PLCB4: variants seen among roughly 807,000 people sequenced by gnomAD.
PLCB4 encodes the protein phospholipase C beta 4.
A neutral mutation model predicts 178.8 loss-of-function variants in PLCB4; 77 were observed. The observed-to-expected ratio is 0.43, with a 90% CI of 0.36 to 0.52. The LOEUF (loss-of-function observed/expected upper bound fraction) is 0.52, where lower values mean the gene tolerates loss of function less well. Among genes scored for constraint, PLCB4 ranks in the 20% least tolerant of loss-of-function variants. The probability of loss-of-function intolerance (pLI) is 0.00; values close to 1 mark genes in which losing one functional copy is unlikely to be tolerated. For synonymous variants in PLCB4, 496 were observed against 490.8 expected (o/e 1.01, Z -0.14); for missense variants, 1,024 against 1,453.4 (o/e 0.70, Z 4.80).
chr20:9,365,648 T>C (rs2035712863), intron 9 of PLCB4, 134 bp downstream of exon 9: 2 of 519,802 alleles, frequency 3.8e-6, no homozygotes, highest in Admixed American at 7.1e-5. Flanking sequence ...TTTCAATTGC[T>C]TTGACAAATG....
At chr20:9,301,338 T>C (rs977549798) in intron 3 of PLCB4, among the ~76,000 whole-genome samples, 2 of 151,936 alleles carry the variant, frequency 1.3e-5, no homozygotes, top group Admixed American at 6.6e-5. Flanking sequence ...CTGCCCTCTG[T>C]TCACTCTCTA....
At chr20:9,419,567 G>T (rs760704216) in intron 25 of PLCB4, among the ~76,000 whole-genome samples, 2 of 152,070 alleles carry the variant, frequency 1.3e-5, no homozygotes, top group Non-Finnish European at 2.9e-5. Flanking sequence ...AGGTGACCAG[G>T]GGATAAAAAA....
chr20:9,163,818 A>G (rs2092927448), intron 2 of PLCB4, among the ~76,000 whole-genome samples: 1 of 152,116 alleles, frequency 6.6e-6, no homozygotes, highest in Non-Finnish European at 1.5e-5. Context: ...TCCATTTCAT[A>G]TTTAAATAAA....
chr20:9,273,766 C>G lies in PLCB4; in HGVS notation c.-15-34034C>G, dbSNP rs142521165. Reference sequence around the variant, plus strand: ...GATGCTCGAGCCAGAGTATGTATGTCTTTGTTAAGCCATGTTATTACTAAA... The same window carrying G: ...GATGCTCGAGCCAGAGTATGTATGTGTTTGTTAAGCCATGTTATTACTAAA... On this transcript the variant is annotated intron_variant, in intron 3 of 39. Coordinates refer to ENST00000378473, the MANE Select transcript of PLCB4 (RefSeq NM_001377142.1). Among the ~76,000 whole-genome samples, 39 of 149,742 alleles carry G rather than the reference C, an allele frequency of 2.6e-4. No homozygotes were observed. In the East Asian group the frequency reaches 6.6e-3, roughly 25 times the overall value.
At chr20:9,253,261 G>A (rs113111513) in intron 3 of PLCB4, among the ~76,000 whole-genome samples, 4,423 of 152,232 alleles carry the variant, frequency 0.029, 226 homozygotes, top group African/African-American at 0.1. Context: ...CAAGGGATCC[G>A]ACTAGAATCA....
At chr20:9,270,691 T>C (rs139179043) in intron 3 of PLCB4, among the ~76,000 whole-genome samples, 584 of 152,244 alleles carry the variant, frequency 3.8e-3, no homozygotes, top group South Asian at 8.1e-3. Context: ...TAAGGTTATA[T>C]AGTTTAATTA....
rs398035318 is a variant in PLCB4 at position 9,118,314 on chromosome 20, A to AC, written c.-79+21973dup. Among the ~76,000 whole-genome samples, 9 of 148,240 alleles carry AC rather than the reference A, an allele frequency of 6.1e-5. No homozygotes were observed. The East Asian group carries it at 1.2e-3, about 20-fold the overall frequency. On this transcript the variant is annotated intron_variant, in intron 2 of 39. Transcript: ENST00000378473. ...CTTAAAGTATAATAATAAAAAAAAA[A>AC]CAACAAAGTGCTTATAAAATATGAG...
chr20:9,253,414 T>C (rs1287640898), intron 3 of PLCB4, among the ~76,000 whole-genome samples: 1 of 152,190 alleles, frequency 6.6e-6, no homozygotes, highest in African/African-American at 2.4e-5. Context: ...GCTCCTGCTC[T>C]GTGCTGATAC....
intron 34 of PLCB4, 35 bp from the exon 35 acceptor site, chr20:9,459,600 G>T (rs1488993404): frequency 1.9e-6 from 3 of 1,539,012 alleles, no homozygotes; most frequent in African/African-American, 1.4e-5. Flanking sequence ...GACCTATGAG[G>T]ATTACAATGG....
At chr20:9,436,204 T>C (rs116919784) in intron 29 of PLCB4, among the ~76,000 whole-genome samples, 4,449 of 152,320 alleles carry the variant, frequency 0.029, 95 homozygotes, top group Non-Finnish European at 0.039. Context: ...TATATGTAAA[T>C]GTTCCAAAAT....
At chr20:9,187,612 A>C (rs1183645086) in intron 2 of PLCB4, among the ~76,000 whole-genome samples, 3 of 152,192 alleles carry the variant, frequency 2.0e-5, no homozygotes, top group Non-Finnish European at 4.4e-5. Context: ...TTACTGGTTG[A>C]ATGGGCTCTG....
At chr20:9,206,035 C>T (rs979278530) in intron 2 of PLCB4, among the ~76,000 whole-genome samples, 8 of 152,080 alleles carry the variant, frequency 5.3e-5, no homozygotes, top group African/African-American at 1.7e-4. Context: ...ATGTAATTTG[C>T]ATTTCTGGCT....
intron 33 of PLCB4, among the ~76,000 whole-genome samples, chr20:9,455,876 C>T (rs2122352948): frequency 6.6e-6 from 1 of 152,286 alleles, no homozygotes; most frequent in East Asian, 1.9e-4. Context: ...TGCTATGTTG[C>T]CCAGGCTGAA....
intron 2 of PLCB4, among the ~76,000 whole-genome samples, chr20:9,212,113 C>A (rs749550461): frequency 6.6e-6 from 1 of 152,132 alleles, no homozygotes; most frequent in Non-Finnish European, 1.5e-5. Flanking sequence ...TTAGCCAATG[C>A]GATACAACAG....
At chr20:9,148,379 T>C (rs2092635239) in intron 2 of PLCB4, among the ~76,000 whole-genome samples, 1 of 152,072 alleles carries the variant, frequency 6.6e-6, no homozygotes, top group Non-Finnish European at 1.5e-5. Flanking sequence ...ATTTTTGAAA[T>C]AGGAAGAATA....
intron 2 of PLCB4, among the ~76,000 whole-genome samples, chr20:9,196,670 A>T (rs1269164275): frequency 6.6e-6 from 1 of 152,188 alleles, no homozygotes; most frequent in African/African-American, 2.4e-5. Context: ...AAAACTACTC[A>T]TGTGATCCTT....
chr20:9,231,118 A>G (rs187148295), intron 3 of PLCB4, among the ~76,000 whole-genome samples: 2 of 152,164 alleles, frequency 1.3e-5, no homozygotes, highest in Admixed American at 6.5e-5. Context: ...TTTCTTAACA[A>G]CGTTGGTTGG....
At chr20:9,122,136 CATT>C (rs1247518462) in intron 2 of PLCB4, among the ~76,000 whole-genome samples, 1 of 151,986 alleles carries the variant, frequency 6.6e-6, no homozygotes, top group African/African-American at 2.4e-5. Flanking sequence ...GACAAAGAAA[CATT>C]ATTGTATTTA....
intron 35 of PLCB4, among the ~76,000 whole-genome samples, chr20:9,466,162 C>T (rs2043767800): frequency 6.6e-6 from 1 of 152,092 alleles, no homozygotes; most frequent in Non-Finnish European, 1.5e-5. Flanking sequence ...TTTGACAAAC[C>T]TGACAAAAAC....
Sources: allele counts gnomAD v4.1 joint callset (sites outside exome capture counted in the v4.1 genomes callset), GRCh38; gene constraint gnomAD v4.1.1; transcripts MANE v1.5; gene names NCBI Gene and HGNC (gene_info 2026-07-23, HGNC 2026-07-21).